The following SPART variants were observed in gnomAD, a reference collection of about 807,000 sequenced individuals.
SPART encodes spartin.
A neutral mutation model predicts 58.7 loss-of-function variants in SPART; 35 were observed. That is an observed-to-expected ratio of 0.60 (90% confidence interval 0.46 to 0.79). The LOEUF is 0.79. Among genes scored for constraint, SPART ranks in the 30% least tolerant of loss-of-function variants. The probability of loss-of-function intolerance (pLI) is 0.00; values close to 1 mark genes in which losing one functional copy is unlikely to be tolerated. For synonymous variants in SPART, 284 were observed against 280.7 expected (o/e 1.01, Z -0.12); for missense variants, 730 against 786.1 (o/e 0.93, Z 0.85).
At chr13:36,344,183 GAA>G (rs1474356799) in intron 1 of SPART, among the ~76,000 whole-genome samples, 3 of 152,196 alleles carry the variant, frequency 2.0e-5, no homozygotes, top group African/African-American at 7.2e-5. Flanking sequence ...TCCCGTCGTA[GAA>G]AGTCATGTGG....
At chr13:36,321,511 C>T (rs1229638355) in intron 5 of SPART, among the ~76,000 whole-genome samples, 12 of 151,188 alleles carry the variant, frequency 7.9e-5, no homozygotes, top group African/African-American at 2.0e-4. Context: ...AATCATTCTA[C>T]ACGACAAATG....
intron 1 of SPART, among the ~76,000 whole-genome samples, chr13:36,358,752 C>G (rs1417064631): frequency 1.3e-5 from 2 of 152,160 alleles, no homozygotes; most frequent in African/African-American, 4.8e-5. Context: ...AATTAAAATG[C>G]TAAGAAAATC....
chr13:36,323,044 G>A (rs1882573410), intron 5 of SPART, among the ~76,000 whole-genome samples: 1 of 152,126 alleles, frequency 6.6e-6, no homozygotes, highest in African/African-American at 2.4e-5. Flanking sequence ...CATAATCTTG[G>A]AGAAATCTTA....
Position 36,357,828 on chromosome 13 carries a change from A to C in SPART, c.-3+12261T>G, listed in dbSNP as rs566780362. 1.5e-3 allele frequency among the ~76,000 whole-genome samples: 233 copies of C among 152,314 alleles called. 1 individual carries two copies. Among genetic ancestry groups the C allele is most frequent in the African/African-American group, 5.4e-3 (223 of 41,576 alleles). ...AGCCAGGAAGAAAAATGTGTGATGA[A>C]TTGCTGGCAAAATCCACTGAACACC... is the stretch of plus-strand genomic sequence containing the variant. On this transcript the variant is annotated intron_variant, in intron 1 of 8. Transcript: ENST00000355182.
chr13:36,313,734 A>T (rs964642814), intron 6 of SPART, among the ~76,000 whole-genome samples: 1 of 152,226 alleles, frequency 6.6e-6, no homozygotes, highest in Admixed American at 6.5e-5. Context: ...AGGCTATATC[A>T]TATAGCCTAG....
chr13:36,348,149 G>A (rs547301959), upstream of SPART, among the ~76,000 whole-genome samples: 1 of 152,068 alleles, frequency 6.6e-6, no homozygotes, highest in Non-Finnish European at 1.5e-5. Flanking sequence ...AGCTGGGCAT[G>A]GTGGTACACA....
At position 36,318,806 on chromosome 13, in the gene SPART, A is replaced by G. The variant is rs1160131750; in HGVS notation, c.1289-4385T>C. Among the ~76,000 whole-genome samples, 722 of 152,208 alleles carry G rather than the reference A, an allele frequency of 4.7e-3. 6 individuals are homozygous for G. Among genetic ancestry groups the G allele is most frequent in the African/African-American group, 0.016 (678 of 41,548 alleles). On this transcript the variant is annotated intron_variant, in intron 5 of 8. Coordinates refer to ENST00000438666, the MANE Select transcript of SPART (RefSeq NM_015087.5). Reference sequence around the variant, plus strand: ...GTCCCATCTGTGTGGGACCCCACTGAAAATCGGACTGTTCAACTCACCTGG... The same window carrying G: ...GTCCCATCTGTGTGGGACCCCACTGGAAATCGGACTGTTCAACTCACCTGG...
At chr13:36,329,623 G>T in intron 3 of SPART, 106 bp from the exon 4 acceptor site, 1 of 1,207,496 alleles carries the variant, frequency 8.3e-7, no homozygotes, top group Non-Finnish European at 1.2e-6. Flanking sequence ...TTGAATGTCA[G>T]TTTGGCAGTC....
In SPART at chr13:36,304,358, C is replaced by G; in HGVS notation, c.*7G>C. The G allele has an allele frequency of 6.2e-7, 1 of 1,613,952 alleles. No homozygotes were observed. Among genetic ancestry groups the G allele is most frequent in the Non-Finnish European group, 8.5e-7 (1 of 1,179,894 alleles). ...AGGCTTTGGTATAAGTGATTCCCAG[C>G]ACTTCATCATTTATCTTTCTTCTTT... On this transcript the variant is annotated 3_prime_UTR_variant, in exon 9 of 9. Coordinates refer to ENST00000438666, the MANE Select transcript of SPART (RefSeq NM_015087.5).
intron 5 of SPART, among the ~76,000 whole-genome samples, chr13:36,315,644 G>C (rs1881615694): frequency 6.6e-6 from 1 of 152,188 alleles, no homozygotes; most frequent in Middle Eastern, 3.4e-3. Flanking sequence ...TCAACTTCTG[G>C]GGAAGTGCAG....
Position 36,329,260 on chromosome 13 carries a change from T to A in SPART, c.1164+102A>T. On this transcript the variant is annotated intron_variant, in intron 4 of 8. Coordinates refer to ENST00000438666, the MANE Select transcript of SPART (RefSeq NM_015087.5). ...ATCACTTTGTTGACTAATGCACAAG[T>A]TGCTTTGCTTTAGTATATGGGAATA... 2.3e-6 allele frequency: 3 copies of A among 1,295,314 alleles called. No individual in the cohort carries two copies. In the Admixed American group the frequency reaches 5.0e-5, roughly 22 times the overall value. 80.2% of individuals were successfully genotyped at this position (1,295,314 alleles called of 1,614,324 possible).
intron 3 of SPART, among the ~76,000 whole-genome samples, 160 bp downstream of exon 3, chr13:36,331,239 A>G (rs1883429468): frequency 6.6e-6 from 1 of 152,228 alleles, no homozygotes; most frequent in South Asian, 2.1e-4. Context: ...AACCACTATT[A>G]CAGCAAATTC....
At chr13:36,351,193 G>C (rs1885394570), upstream of SPART, among the ~76,000 whole-genome samples, 1 of 152,046 alleles carries the variant, frequency 6.6e-6, no homozygotes, top group Non-Finnish European at 1.5e-5. Context: ...ACTCAAGCCA[G>C]GTGCAGCAGC....
intron 1 of SPART, chr13:36,368,278 A>C (rs1886145033): frequency 2.7e-6 from 1 of 373,182 alleles, no homozygotes; most frequent in Non-Finnish European, 5.5e-6. Flanking sequence ...ACCAGGCATA[A>C]ATGAGCTTCC....
chr13:36,320,685 G>A (rs948161315), intron 5 of SPART, among the ~76,000 whole-genome samples: 4 of 152,020 alleles, frequency 2.6e-5, no homozygotes, highest in African/African-American at 4.8e-5. Flanking sequence ...TACTCAACAT[G>A]CCCCGAGTCA....
chr13:36,365,389 A>G (rs999340949), intron 1 of SPART: 1 of 326,588 alleles, frequency 3.1e-6, no homozygotes, highest in East Asian at 8.1e-5. Context: ...GTTCTAGCCT[A>G]TAAAATTGGG....
chr13:36,320,927 C>T (rs1223997482), intron 5 of SPART, among the ~76,000 whole-genome samples: 5 of 152,134 alleles, frequency 3.3e-5, no homozygotes, highest in Non-Finnish European at 5.9e-5. Flanking sequence ...ATATCCCTTA[C>T]GGTCCTCCAT....
intron 3 of SPART, among the ~76,000 whole-genome samples, chr13:36,330,187 C>T (rs979599004): frequency 7.2e-5 from 11 of 152,184 alleles, no homozygotes; most frequent in African/African-American, 2.2e-4. Context: ...AATAGTTCCA[C>T]ATTAGGTCTG....
chr13:36,304,791 A>G (rs1395600282), intron 8 of SPART, among the ~76,000 whole-genome samples, 159 bp from the exon 9 acceptor site: 1 of 152,214 alleles, frequency 6.6e-6, no homozygotes, highest in Middle Eastern at 3.2e-3. Flanking sequence ...CACAGTAGAG[A>G]ATGAAATCAC....
Sources: gnomAD v4.1 joint callset for allele counts (sites outside exome capture counted in the v4.1 genomes callset) on GRCh38, gnomAD v4.1.1 for gene constraint, MANE v1.5 for transcripts, NCBI Gene and HGNC (gene_info 2026-07-23, HGNC 2026-07-21) for gene names.